CA10: variants seen among roughly 807,000 people sequenced by gnomAD.
CA10 encodes carbonic anhydrase-related protein 10.
A neutral mutation model predicts 44.2 loss-of-function variants in CA10; 14 were observed. The ratio of observed to expected loss-of-function variants is 0.32; its 90% confidence interval spans 0.21 to 0.50. The LOEUF (loss-of-function observed/expected upper bound fraction) is 0.50. CA10 is among the 20% of genes least tolerant of loss of function. The pLI is 0.99. For synonymous variants in CA10, 159 were observed against 141.6 expected (o/e 1.12, Z -0.87); for missense variants, 350 against 409.7 (o/e 0.85, Z 1.26).
chr17:52,099,770 G>A (rs1045027766), intron 1 of CA10, among the ~76,000 whole-genome samples: 1 of 152,224 alleles, frequency 6.6e-6, no homozygotes, highest in African/African-American at 2.4e-5. Context: ...ACCAGCAAAG[G>A]AATTTGAGAA....
intron 1 of CA10, among the ~76,000 whole-genome samples, chr17:52,094,508 A>T (rs1483735726): frequency 6.6e-6 from 1 of 152,172 alleles, no homozygotes; most frequent in Non-Finnish European, 1.5e-5. Context: ...ATCACAAAAG[A>T]GTGAAAATGT....
upstream of CA10, chr17:52,159,390 G>A (rs986443691): frequency 6.6e-6 from 1 of 152,294 alleles, no homozygotes; most frequent in African/African-American, 2.4e-5. Flanking sequence ...TGCCAGCAGC[G>A]GCTGCTGCCA....
chr17:51,747,855 CCTT>C (rs765724337), intron 3 of CA10, 37 bp from the exon 4 acceptor site: 29 of 1,529,516 alleles, frequency 1.9e-5, no homozygotes, highest in East Asian at 1.6e-4. Flanking sequence ...GCAAGGCCCT[CCTT>C]CTTCTATGCC....
At chr17:52,007,166 A>C (rs1217077096) in intron 2 of CA10, among the ~76,000 whole-genome samples, 6 of 151,696 alleles carry the variant, frequency 4.0e-5, no homozygotes, top group Non-Finnish European at 5.9e-5. Context: ...ATTCATTTTC[A>C]AATATCTATA....
At chr17:51,732,735 G>C (rs1317233853) in intron 4 of CA10, among the ~76,000 whole-genome samples, 2 of 152,186 alleles carry the variant, frequency 1.3e-5, no homozygotes, top group Non-Finnish European at 2.9e-5. Context: ...TGGAGAATGT[G>C]GAATTGGGAT....
chr17:51,997,252 T>C (rs1423100911), intron 2 of CA10, among the ~76,000 whole-genome samples: 2 of 152,222 alleles, frequency 1.3e-5, no homozygotes, highest in Non-Finnish European at 1.5e-5. Flanking sequence ...TATATTTTTC[T>C]GCACTTGTTC....
At chr17:51,803,050 T>A (rs1906996848) in intron 3 of CA10, among the ~76,000 whole-genome samples, 1 of 152,156 alleles carries the variant, frequency 6.6e-6, no homozygotes, top group Non-Finnish European at 1.5e-5. Flanking sequence ...TACTCCGGGT[T>A]TAAATGGGGG....
intron 3 of CA10, among the ~76,000 whole-genome samples, chr17:51,875,303 G>A (rs1202115929): frequency 2.0e-5 from 3 of 152,070 alleles, no homozygotes; most frequent in Non-Finnish European, 4.4e-5. Flanking sequence ...GAGGCACTGT[G>A]CCCAGCCTAG....
At chr17:51,832,484 T>C (rs1373006258) in intron 3 of CA10, among the ~76,000 whole-genome samples, 1 of 152,204 alleles carries the variant, frequency 6.6e-6, no homozygotes, top group Non-Finnish European at 1.5e-5. Context: ...ACATAACACC[T>C]TTATACAGGT....
chr17:52,008,879 T>G (rs1356244186), intron 2 of CA10, among the ~76,000 whole-genome samples: 1 of 151,956 alleles, frequency 6.6e-6, no homozygotes, highest in Non-Finnish European at 1.5e-5. Flanking sequence ...TTTCTTTGTT[T>G]AAGGTTTCAC....
chr17:52,097,479 CT>C (rs1173940028), intron 1 of CA10, among the ~76,000 whole-genome samples: 3 of 152,180 alleles, frequency 2.0e-5, no homozygotes, highest in African/African-American at 7.2e-5. Flanking sequence ...ACCAATTTCT[CT>C]TGCACTTCTA....
At chr17:51,685,619 T>C (rs1260504396) in intron 4 of CA10, among the ~76,000 whole-genome samples, 2 of 151,994 alleles carry the variant, frequency 1.3e-5, no homozygotes, top group Non-Finnish European at 2.9e-5. Flanking sequence ...AAAATGCAGT[T>C]TAATGTGGAC....
At chr17:51,877,191 G>A (rs1252137718) in intron 3 of CA10, among the ~76,000 whole-genome samples, 4 of 152,210 alleles carry the variant, frequency 2.6e-5, no homozygotes, top group Admixed American at 2.0e-4. Context: ...CCAGATGGTG[G>A]AGATGTCATC....
chr17:52,115,340 C>T (rs1988870313), intron 1 of CA10, among the ~76,000 whole-genome samples: 1 of 152,172 alleles, frequency 6.6e-6, no homozygotes, highest in African/African-American at 2.4e-5. Context: ...GCAAAAAATC[C>T]TGCATCATTT....
chr17:51,798,892 C>T (rs1906817867), intron 3 of CA10, among the ~76,000 whole-genome samples: 1 of 152,220 alleles, frequency 6.6e-6, no homozygotes, highest in Admixed American at 6.5e-5. Context: ...CAACTCTGCG[C>T]ATCACCAAAC....
chr17:51,724,114 G>A (rs142062045), intron 4 of CA10, among the ~76,000 whole-genome samples: 304 of 152,320 alleles, frequency 2.0e-3, no homozygotes, highest in Non-Finnish European at 3.5e-3. Context: ...GAATTAGAAA[G>A]TGTGAGATTC....
intron 3 of CA10, among the ~76,000 whole-genome samples, chr17:51,848,231 G>A (rs1484721587): frequency 1.3e-5 from 2 of 152,210 alleles, no homozygotes; most frequent in Non-Finnish European, 2.9e-5. Flanking sequence ...CCTGGTCTTA[G>A]TCCATTCAGA....
intron 7 of CA10, among the ~76,000 whole-genome samples, chr17:51,633,896 C>G (rs114448422): frequency 1.3e-5 from 2 of 152,272 alleles, no homozygotes; most frequent in East Asian, 1.9e-4. Context: ...AAGTCACTTG[C>G]GCTCTCTCAC....
intron 3 of CA10, among the ~76,000 whole-genome samples, chr17:51,784,575 T>G (rs1906187037): frequency 6.6e-6 from 1 of 152,128 alleles, no homozygotes; most frequent in South Asian, 2.1e-4. Context: ...GAGAACAACT[T>G]TTTCTAGCTC....
Sources: allele counts gnomAD v4.1 joint callset (sites outside exome capture counted in the v4.1 genomes callset), GRCh38; gene constraint gnomAD v4.1.1; transcripts MANE v1.5; gene names NCBI Gene and HGNC (gene_info 2026-07-23, HGNC 2026-07-21).